The following EXOSC10 variants were observed in gnomAD, a reference collection of about 807,000 sequenced individuals.
EXOSC10 encodes the protein exosome component 10, also known as exosome complex component 10.
EXOSC10 carries 94 observed loss-of-function variants against 126.6 expected under a neutral mutation model. The observed-to-expected ratio is 0.74, with a 90% confidence interval of 0.63 to 0.88. The LOEUF (loss-of-function observed/expected upper bound fraction) is 0.88, where lower values mean the gene tolerates loss of function less well. Among genes scored for constraint, EXOSC10 ranks in the 40% least tolerant of loss-of-function variants. The pLI is 0.00. For synonymous variants in EXOSC10, 395 were observed against 400.8 expected, an observed-to-expected ratio of 0.99 and a Z score of 0.17; for missense variants, 1,041 against 1,100.5, an observed-to-expected ratio of 0.95 and a Z score of 0.77.
At position 11,068,175 on chromosome 1, in the gene EXOSC10, C is replaced by T. The variant is rs145175491; in HGVS notation, c.2551-91G>A. 441 of 1,001,002 alleles carry T rather than the reference C, an allele frequency of 4.4e-4. 3 individuals carry two copies. The African/African-American group carries it at 5.9e-3, about 13-fold the overall frequency. 62.0% of individuals were successfully genotyped at this position (1,001,002 alleles called of 1,614,324 possible). A position where few individuals can be genotyped will look rare whatever the true frequency, so the allele number is the denominator to read the frequency against. ...ACCTGAGCTCAGGTGGCCAAAGATT[C>T]TAGCAGCACAGGAGTGACTTTAGAT... On this transcript the variant is annotated intron_variant, in intron 23 of 24. Coordinates refer to ENST00000376936, the MANE Select transcript of EXOSC10 (RefSeq NM_001001998.3).
chr1:11,077,584 C>T lies in EXOSC10; in HGVS notation c.1800+17G>A. On this transcript the variant is annotated intron_variant, in intron 15 of 24. Transcript: ENST00000376936. The stretch of plus-strand genomic sequence containing the variant: ...ACGTTTTCCCTCCTGGGGGAGAAAA[C>T]AGATCCGACACTCTACCTCAGCACT... 6.2e-7 allele frequency: 1 copy of T among 1,613,976 alleles called. No individual in the cohort carries two copies. Among genetic ancestry groups the T allele is most frequent in the Middle Eastern group, 1.7e-4 (1 of 6,010 alleles).
At chr1:11,078,737 G>A (rs1024603533) in intron 14 of EXOSC10, among the ~76,000 whole-genome samples, 4 of 152,074 alleles carry the variant, frequency 2.6e-5, no homozygotes, top group African/African-American at 7.2e-5. Flanking sequence ...CTGGGCCATC[G>A]CCAGGCTCCC....
intron 2 of EXOSC10, among the ~76,000 whole-genome samples, chr1:11,096,793 AT>A (rs1328919989): frequency 1.3e-5 from 2 of 152,076 alleles, no homozygotes; most frequent in African/African-American, 4.8e-5. Context: ...ATACTTTTTG[AT>A]GAAACCAATA....
chr1:11,070,647 C>G (rs1192264142), intron 21 of EXOSC10: 2 of 443,154 alleles, frequency 4.5e-6, no homozygotes, highest in Non-Finnish European at 8.0e-6. Flanking sequence ...AATACCTTTT[C>G]TACTACTACA....
Position 11,094,996 on chromosome 1 carries a change from G to T in EXOSC10, c.372+762C>A, listed in dbSNP as rs147851487. On this transcript the variant is annotated intron_variant, in intron 3 of 24. Transcript: ENST00000376936. The stretch of plus-strand genomic sequence containing the variant: ...GGAGGCCAAGACAGGCAGATCACTT[G>T]AAGTCAGGAGTTTGAGACCAGCTTG... Among the ~76,000 whole-genome samples, 423 of 152,154 alleles carry T rather than the reference G, an allele frequency of 2.8e-3. 5 individuals are homozygous for T. The highest frequency in any genetic ancestry group is 9.6e-3 in the African/African-American group (397 of 41,536).
rs1553165516 is a variant in EXOSC10 at position 11,077,440 on chromosome 1, A to T, written c.1804T>A (p.Leu602Met). 6.2e-7 allele frequency: 1 copy of T among 1,613,774 alleles called. No homozygotes were observed. The highest frequency in any genetic ancestry group is 8.5e-7 in the Non-Finnish European group (1 of 1,179,726). Residue 602 changes from leucine (L) to methionine (M), a missense_variant, in exon 16 of 25, where the codon TTG becomes ATG. Physicochemically the swap from Leu to Met is conservative, Grantham distance 15 (BLOSUM62 2). Coordinates refer to ENST00000376936, the MANE Select transcript of EXOSC10 (RefSeq NM_001001998.3). ...KSGPLPSAER[L>M]ENVLFGPHDC... Reference sequence around the variant, plus strand: ...TGAGGTCCAAAGAGAACATTCTCCAATCTCTGCATTAAAAGACACCAGCAG... The same window carrying T: ...TGAGGTCCAAAGAGAACATTCTCCATTCTCTGCATTAAAAGACACCAGCAG...
At chr1:11,091,434 G>T in intron 4 of EXOSC10, 59 bp downstream of exon 4, 1 of 1,439,072 alleles carries the variant, frequency 6.9e-7, no homozygotes, top group Non-Finnish European at 9.7e-7. Flanking sequence ...GTTAGAATGA[G>T]CAAAATCTCT....
At position 11,070,796 on chromosome 1, in the gene EXOSC10, TA is replaced by T. The variant is rs1391068679; in HGVS notation, c.2316+103del. The T allele has an allele frequency of 8.9e-6, 9 of 1,006,722 alleles. No homozygotes were observed. The Admixed American group carries it at 1.6e-4, about 18-fold the overall frequency. The allele number at this position is 1,006,722 out of a possible 1,614,324, so 62.4% of individuals were successfully genotyped here. On this transcript the variant is annotated intron_variant, in intron 21 of 24. Transcript: ENST00000376936. ...GGTGAACCGGAAAGAAGTCAGGACTTAATATAAAGCACAGGGCAAGCCCCCT... is the reference window on the plus strand; with the variant it reads ...GGTGAACCGGAAAGAAGTCAGGACTTATATAAAGCACAGGGCAAGCCCCCT...
chr1:11,074,043 G>A (rs1294376722), intron 18 of EXOSC10, 35 bp from the exon 19 acceptor site: 22 of 1,593,410 alleles, frequency 1.4e-5, no homozygotes, highest in Non-Finnish European at 1.9e-5. Context: ...AAACGCTGCC[G>A]GGAACGGAAT....
At chr1:11,088,602 T>TA (rs1640627157) in intron 6 of EXOSC10, among the ~76,000 whole-genome samples, 1 of 152,240 alleles carries the variant, frequency 6.6e-6, no homozygotes, top group African/African-American at 2.4e-5. Flanking sequence ...TGTTATATTT[T>TA]TTCTGATCCT....
In EXOSC10 at chr1:11,081,133, C is replaced by G; in HGVS notation, c.1386G>C (p.Gln462His). ...GCCACACCACCTGCAGCTGCACCGG[C>G]TGCCCGTTGCCGCGCTCCCACATCT... Reference protein sequence around the residue: ...RLEMWERGNGQPVQLQVVWQR... With the variant: ...RLEMWERGNGHPVQLQVVWQR... The change falls in exon 11 of 25, where the codon CAG becomes CAC. Residue 462 changes from glutamine (Q) to histidine (H), a missense_variant. Gln to His is a conservative substitution (Grantham distance 24). Coordinates refer to ENST00000376936, the MANE Select transcript of EXOSC10 (RefSeq NM_001001998.3). 1 of 1,614,196 alleles carries G rather than the reference C, an allele frequency of 6.2e-7. No individual in the cohort carries two copies. The highest frequency in any genetic ancestry group is 1.1e-5 in the South Asian group (1 of 91,082).
rs199805811 is a variant in EXOSC10 at position 11,099,869 on chromosome 1, C to G, written c.-38G>C. ...CACGGCTCGTCTCGCGAGAGCTTGTCGGCCGAGGAGACGGGACGCGTGCGC... is the reference window on the plus strand; with the variant it reads ...CACGGCTCGTCTCGCGAGAGCTTGTGGGCCGAGGAGACGGGACGCGTGCGC... On this transcript the variant is annotated 5_prime_UTR_variant, in exon 1 of 25. Transcript: ENST00000376936. 1.3e-6 allele frequency: 2 copies of G among 1,560,864 alleles called. No individual in the cohort carries two copies. Among genetic ancestry groups the G allele is most frequent in the African/African-American group, 2.8e-5 (2 of 71,990 alleles).
chr1:11,099,616 G>C, intron 1 of EXOSC10, 105 bp downstream of exon 1: 1 of 1,300,472 alleles, frequency 7.7e-7, no homozygotes. Flanking sequence ...CGCGACCCTC[G>C]CTCGGGCTCC....
chr1:11,071,280 G>A (rs1029091897), intron 20 of EXOSC10: 4 of 377,512 alleles, frequency 1.1e-5, no homozygotes, highest in South Asian at 6.3e-5. Flanking sequence ...CATCACCATC[G>A]TGGACAAACC....
At chr1:11,072,826 C>T (rs1201748095) in intron 19 of EXOSC10, 3 of 152,268 alleles carry the variant, frequency 2.0e-5, no homozygotes, top group African/African-American at 7.2e-5. Flanking sequence ...GTCATCAGAG[C>T]AGACGCTTCC....
chr1:11,090,997 A>G lies in EXOSC10; in HGVS notation c.643+17T>C. On this transcript the variant is annotated intron_variant, in intron 5 of 24. Coordinates refer to ENST00000376936, the MANE Select transcript of EXOSC10 (RefSeq NM_001001998.3). ...ATAAAGTGAGACTCAAACACAGGCA[A>G]AGTATGCACTATTTACCTTGAGGGA... 1 of 1,609,984 alleles carries G rather than the reference A, an allele frequency of 6.2e-7. No homozygotes were observed. Among genetic ancestry groups the G allele is most frequent in the Non-Finnish European group, 8.5e-7 (1 of 1,178,086 alleles).
rs548382226 is a variant in EXOSC10 at position 11,071,988 on chromosome 1, G to A, written c.2242+99C>T. 969 of 942,414 alleles carry A rather than the reference G, an allele frequency of 1.0e-3. 6 individuals are homozygous for A. In the African/African-American group the frequency reaches 0.014, roughly 14 times the overall value. 58.4% of individuals were successfully genotyped at this position (942,414 alleles called of 1,614,324 possible). ...CCTCAGCAGAAGGGAAGCCCCACAG[G>A]GGCTTCATTCATCGCCGTATCTGGC... On this transcript the variant is annotated intron_variant, in intron 20 of 24. Coordinates refer to ENST00000376936, the MANE Select transcript of EXOSC10 (RefSeq NM_001001998.3).
chr1:11,090,746 C>CT, intron 5 of EXOSC10, 78 bp from the exon 6 acceptor site: 1 of 1,187,910 alleles, frequency 8.4e-7, no homozygotes, highest in South Asian at 1.5e-5. Context: ...AACTGGTTCC[C>CT]TTTGTTTTTT....
intron 9 of EXOSC10, among the ~76,000 whole-genome samples, chr1:11,087,164 A>G (rs1380946389): frequency 6.6e-6 from 1 of 152,224 alleles, no homozygotes; most frequent in East Asian, 1.9e-4. Flanking sequence ...AAGCAGCTCT[A>G]GTAGCTTCAG....
Sources: allele counts gnomAD v4.1 joint callset (sites outside exome capture counted in the v4.1 genomes callset), GRCh38; gene constraint gnomAD v4.1.1; transcripts MANE v1.5; gene names NCBI Gene and HGNC (gene_info 2026-07-23, HGNC 2026-07-21).